Variants in GGCX observed in about 807,000 individuals in gnomAD.
The protein encoded by GGCX is gamma-glutamyl carboxylase.
GGCX carries 63 observed loss-of-function variants against 88.5 expected under a neutral mutation model. The observed-to-expected ratio is 0.71, with a 90% CI of 0.58 to 0.88. The LOEUF (loss-of-function observed/expected upper bound fraction) is 0.88. Ranked by LOEUF, GGCX falls within the 40% of genes least tolerant of loss-of-function variation. The pLI, the probability that GGCX is intolerant of heterozygous loss-of-function variation, is 0.00. For missense variants in GGCX, 805 were observed against 932.9 expected (o/e 0.86, Z 1.79); for synonymous variants, 368 against 365.8 (o/e 1.01, Z -0.07).
At chr2:85,554,643 A>T in intron 6 of GGCX, 1 of 367,626 alleles carries the variant, frequency 2.7e-6, no homozygotes, top group Non-Finnish European at 5.3e-6. Flanking sequence ...TTTTTTAAAA[A>T]ATTTTTTTGT....
chr2:85,556,137 A>T (rs752846323), intron 5 of GGCX, 45 bp downstream of exon 5: 3 of 1,154,416 alleles, frequency 2.6e-6, no homozygotes, highest in African/African-American at 3.0e-5. Context: ...CATGCTGACC[A>T]CATGGCTGTC....
chr2:85,552,553 ACT>A lies in GGCX; in HGVS notation c.1300_1301del (p.Arg435AlafsTer24). The A allele has an allele frequency of 6.2e-7, 1 of 1,613,310 alleles. No individual in the cohort carries two copies. The highest frequency in any genetic ancestry group is 8.5e-7 in the Non-Finnish European group (1 of 1,179,932). On this transcript the variant is annotated frameshift_variant, in exon 10 of 15. Transcript: ENST00000233838. LOFTEE classifies it high-confidence loss of function. ...GYLNPGVFTQ[S>X]RRWKDHADML... Reference sequence around the variant, plus strand: ...TGTCTGCATGATCCTTCCATCGCCGACTCTGTGTAAATACCTGCCCCAAACCC... The same window carrying A: ...TGTCTGCATGATCCTTCCATCGCCGACTGTGTAAATACCTGCCCCAAACCC...
At position 85,553,690 on chromosome 2, in the gene GGCX, C is replaced by T. The variant is rs1558808527; in HGVS notation, c.890-193G>A. Reference sequence around the variant, plus strand: ...TCTCAGCTCACTGCAACCTCTGCCTCCTGGGTTCAAGCGATTCTCTTGCCT... The same window carrying T: ...TCTCAGCTCACTGCAACCTCTGCCTTCTGGGTTCAAGCGATTCTCTTGCCT... On this transcript the variant is annotated intron_variant, in intron 7 of 14. Transcript: ENST00000233838. 10 of 594,718 alleles carry T rather than the reference C, an allele frequency of 1.7e-5. No individual in the cohort carries two copies. The East Asian group carries it at 3.0e-4, about 18-fold the overall frequency. The allele number at this position is 594,718 out of a possible 1,614,324, so 36.8% of individuals were successfully genotyped here. A position where few individuals can be genotyped will look rare whatever the true frequency, so the allele number is the denominator to read the frequency against.
chr2:85,558,602 G>A lies in GGCX; in HGVS notation c.377C>T (p.Ala126Val). The A allele has an allele frequency of 6.2e-7, 1 of 1,612,262 alleles. No homozygotes were observed. Among genetic ancestry groups the A allele is most frequent in the Non-Finnish European group, 8.5e-7 (1 of 1,178,288 alleles). The part of the protein sequence containing the change: ...YLVYTIMFLG[A>V]LGMMLGLCYR... The stretch of plus-strand genomic sequence containing the variant: ...GCACAGGCCCAGCATCATGCCCAGT[G>A]CCCCTGGGATTTGTAGGGAGAGGAT... The change falls in exon 4 of 15, where the codon GCA becomes GTA. Residue 126 changes from alanine to valine, a missense_variant. This residue lies in a region of GGCX where 61 missense variants were observed against 111.9 expected (regional missense o/e 0.54). Transcript: ENST00000233838.
Position 85,555,555 on chromosome 2 carries a change from C to CT in GGCX, c.653dup (p.Leu219AlafsTer7), listed in dbSNP as rs757498419. The CT allele has an allele frequency of 6.2e-7, 1 of 1,602,908 alleles. No individual in the cohort carries two copies. Among genetic ancestry groups the CT allele is most frequent in the Non-Finnish European group, 8.5e-7 (1 of 1,169,830 alleles). On this transcript the variant is annotated frameshift_variant, in exon 6 of 15. Transcript: ENST00000233838. LOFTEE classifies it high-confidence loss of function. The stretch of plus-strand genomic sequence containing the variant: ...AGCCTTCAACCCAGTCTGCATCCAG[C>CT]TTTTTCACACCCGCAATGAAGTACA...
chr2:85,552,319 G>T, intron 10 of GGCX, 97 bp downstream of exon 10: 1 of 1,245,730 alleles, frequency 8.0e-7, no homozygotes, highest in Admixed American at 1.7e-5. Context: ...AGGAAGGACA[G>T]CTTTTTAAGC....
chr2:85,545,986 CCTAGGAGCTA>C lies in GGCX; in HGVS notation c.*3938_*3947del, dbSNP rs1691643653. 1 of 152,166 alleles carries C rather than the reference CCTAGGAGCTA, an allele frequency of 6.6e-6. No homozygotes were observed. Among genetic ancestry groups the C allele is most frequent in the African/African-American group, 2.4e-5 (1 of 41,428 alleles). 9.4% of individuals were successfully genotyped at this position (152,166 alleles called of 1,614,324 possible). On this transcript the variant is annotated 3_prime_UTR_variant, in exon 15 of 15. Transcript: ENST00000233838. Reference sequence around the variant, plus strand: ...ATCCGCAGACCACACTGCTCTTGAACCTAGGAGCTACATGCATAGAGAATAGCCACTTGGA... The same window carrying C: ...ATCCGCAGACCACACTGCTCTTGAACCATGCATAGAGAATAGCCACTTGGA...
Position 85,548,995 on chromosome 2 carries a change from T to C in GGCX, c.*939A>G, listed in dbSNP as rs1691799222. 6.6e-6 allele frequency: 1 copy of C among 152,226 alleles called. No individual in the cohort carries two copies. The highest frequency in any genetic ancestry group is 1.5e-5 in the Non-Finnish European group (1 of 68,044). 9.4% of individuals were successfully genotyped at this position (152,226 alleles called of 1,614,324 possible). Reference sequence around the variant, plus strand: ...AACTGCTAGTGAAACACTGGGTGTATATAGATAATAGGAACAAAGAAGGAA... The same window carrying C: ...AACTGCTAGTGAAACACTGGGTGTACATAGATAATAGGAACAAAGAAGGAA... On this transcript the variant is annotated 3_prime_UTR_variant, in exon 15 of 15. Transcript: ENST00000233838.
Position 85,548,446 on chromosome 2 carries a change from C to T in GGCX, c.*1488G>A, listed in dbSNP as rs1691775917. 1 of 152,148 alleles carries T rather than the reference C, an allele frequency of 6.6e-6. No homozygotes were observed. The highest frequency in any genetic ancestry group is 1.5e-5 in the Non-Finnish European group (1 of 68,052). 9.4% of individuals were successfully genotyped at this position (152,148 alleles called of 1,614,324 possible). A position where few individuals can be genotyped will look rare whatever the true frequency, so the allele number is the denominator to read the frequency against. ...CCAGGTGGAACTTAGACCTATACGT[C>T]TAGGGCACAGGAAAGAAACCTAGCA... On this transcript the variant is annotated 3_prime_UTR_variant, in exon 15 of 15. Transcript: ENST00000233838.
rs72843843 is a variant in GGCX at position 85,552,605 on chromosome 2, A to G, written c.1288-38T>C. On this transcript the variant is annotated intron_variant, in intron 9 of 14. Coordinates refer to ENST00000233838, the MANE Select transcript of GGCX (RefSeq NM_000821.7). ...CCCATATTAGTCCCACCTCATCATT[A>G]TCAACTTCCAAGACATGTCATGCAC... is the stretch of plus-strand genomic sequence containing the variant. 10,039 of 1,593,766 alleles carry G rather than the reference A, an allele frequency of 6.3e-3. 62 individuals are homozygous for G. Among genetic ancestry groups the G allele is most frequent in the Non-Finnish European group, 7.3e-3 (8,462 of 1,162,782 alleles).
rs1301735866 is a variant in GGCX at position 85,545,407 on chromosome 2, T to C, written c.*4527A>G. On this transcript the variant is annotated 3_prime_UTR_variant, in exon 15 of 15. Transcript: ENST00000233838. ...GAAGTTGGAGGCTGTAGCGAACCAT[T>C]ATCAAGCCACTGCACTCCAGCCTGG... 6.6e-6 allele frequency: 1 copy of C among 152,380 alleles called. No homozygotes were observed. The highest frequency in any genetic ancestry group is 1.9e-4 in the East Asian group (1 of 5,204). The allele number at this position is 152,380 out of a possible 1,614,324, so 9.4% of individuals were successfully genotyped here.
rs1459501859 is a variant in GGCX at position 85,544,750 on chromosome 2, A to G, written c.*5184T>C. 1 of 152,636 alleles carries G rather than the reference A, an allele frequency of 6.6e-6. No individual in the cohort carries two copies. Among genetic ancestry groups the G allele is most frequent in the Non-Finnish European group, 1.5e-5 (1 of 68,040 alleles). 9.5% of individuals were successfully genotyped at this position (152,636 alleles called of 1,614,324 possible). The stretch of plus-strand genomic sequence containing the variant: ...TTAACTTTGTTTTATTTTCAAAACC[A>G]GGTCCAATGAGCTTTCTGAACAGCT... On this transcript the variant is annotated 3_prime_UTR_variant, in exon 15 of 15. Transcript: ENST00000233838.
chr2:85,552,191 GTAT>G (rs1691990767), intron 10 of GGCX, among the ~76,000 whole-genome samples: 1 of 152,162 alleles, frequency 6.6e-6, no homozygotes, highest in African/African-American at 2.4e-5. Flanking sequence ...ACCTGAGAAG[GTAT>G]TATGTCAACA....
chr2:85,558,456 C>G lies in GGCX; in HGVS notation c.523G>C (p.Asp175His). 1 of 1,614,018 alleles carries G rather than the reference C, an allele frequency of 6.2e-7. No individual in the cohort carries two copies. The highest frequency in any genetic ancestry group is 1.7e-5 in the Admixed American group (1 of 60,010). ...GLLAFQLTFM[D>H]ANHYWSVDGL... Reference sequence around the variant, plus strand: ...GACTCATACCAGTAGTGGTTTGCATCCATGAATGTTAGCTGAAAGGCCAAC... The same window carrying G: ...GACTCATACCAGTAGTGGTTTGCATGCATGAATGTTAGCTGAAAGGCCAAC... Residue 175 changes from aspartate to histidine, a missense_variant, in exon 4 of 15, where the codon GAT (aspartate) becomes CAT (histidine). Asp to His is a moderately conservative substitution (Grantham distance 81). Around this residue, in one of 3 missense-constraint regions of GGCX, gnomAD observed 680 missense variants for 763.7 expected, o/e 0.89. Transcript: ENST00000233838.
chr2:85,550,411 T>C, intron 14 of GGCX, 144 bp downstream of exon 14: 2 of 716,740 alleles, frequency 2.8e-6, no homozygotes, highest in Non-Finnish European at 5.0e-6. Flanking sequence ...ATTCTTCCAG[T>C]AAATCAAGAA....
At chr2:85,551,287 C>G (rs1213899878) in intron 12 of GGCX, among the ~76,000 whole-genome samples, 193 bp downstream of exon 12, 1 of 152,110 alleles carries the variant, frequency 6.6e-6, no homozygotes, top group Non-Finnish European at 1.5e-5. Flanking sequence ...TATTTTCAGT[C>G]TATAATAAGT....
rs546493908 is a variant in GGCX at position 85,552,856 on chromosome 2, T to C, written c.1287+83A>G. On this transcript the variant is annotated intron_variant, in intron 9 of 14. Coordinates refer to ENST00000233838, the MANE Select transcript of GGCX (RefSeq NM_000821.7). ...AAGCAGACTCAAATTTGTTTTGCTT[T>C]ATGGTGTGTGTAAGACAAAACCAGA... 29 of 1,482,068 alleles carry C rather than the reference T, an allele frequency of 2.0e-5. No individual in the cohort carries two copies. In the South Asian group the frequency reaches 3.3e-4, roughly 17 times the overall value. The allele number at this position is 1,482,068 out of a possible 1,614,324, so 91.8% of individuals were successfully genotyped here. A position where few individuals can be genotyped will look rare whatever the true frequency, so the allele number is the denominator to read the frequency against.
chr2:85,552,782 A>G, intron 9 of GGCX, 157 bp downstream of exon 9: 2 of 912,336 alleles, frequency 2.2e-6, no homozygotes, highest in Admixed American at 1.7e-5. Flanking sequence ...GCATTGCCCT[A>G]TCTCAACCCA....
intron 7 of GGCX, 71 bp downstream of exon 7, chr2:85,554,072 A>G (rs967929683): frequency 7.6e-5 from 96 of 1,259,248 alleles, no homozygotes; most frequent in Admixed American, 1.8e-4. Context: ...CCCACTCCCA[A>G]ACAATGCCTC....
Sources: allele counts gnomAD v4.1 joint callset (sites outside exome capture counted in the v4.1 genomes callset), GRCh38; gene constraint gnomAD v4.1.1; regional missense constraint gnomAD v4.1.1; transcripts MANE v1.5; gene names NCBI Gene and HGNC (gene_info 2026-07-23, HGNC 2026-07-21).